CAMTA1: variants seen among roughly 807,000 people sequenced by gnomAD.
CAMTA1 encodes the protein calmodulin-binding transcription activator 1.
In CAMTA1, 27 loss-of-function variants were observed where a neutral mutation model predicts 170.9. The observed-to-expected ratio is 0.16, with a 90% CI of 0.12 to 0.22. CAMTA1 has a LOEUF of 0.22. Among genes scored for constraint, CAMTA1 ranks in the 10% least tolerant of loss-of-function variants. CAMTA1 has a pLI of 1.00. For missense variants in CAMTA1, 1,619 were observed against 2,217.2 expected (o/e 0.73, Z 5.42); for synonymous variants, 833 against 891.5 (o/e 0.93, Z 1.17).
rs528614999 is a variant in CAMTA1, at chr1:6,869,670, G to A, written c.234+44460G>A. 8.5e-5 allele frequency among the ~76,000 whole-genome samples: 13 copies of A among 152,202 alleles called. No individual in the cohort carries two copies. In the Middle Eastern group the frequency reaches 0.01, roughly 119 times the overall value. ...TAGAAAACATTAGCTAAAATCCTTT[G>A]CAGATTTTTTTGAAATCACCTAAAA... On this transcript the variant is annotated intron_variant, in intron 3 of 22. Coordinates refer to ENST00000303635, the MANE Select transcript of CAMTA1 (RefSeq NM_015215.4).
At chr1:7,557,935 G>A (rs1576037136) in intron 6 of CAMTA1, among the ~76,000 whole-genome samples, 1 of 152,220 alleles carries the variant, frequency 6.6e-6, no homozygotes, top group East Asian at 1.9e-4. Context: ...GGCAAGTCTG[G>A]TCTGTGCCAC....
chr1:7,659,449 G>A (rs1297326411), intron 7 of CAMTA1, among the ~76,000 whole-genome samples: 1 of 152,108 alleles, frequency 6.6e-6, no homozygotes, highest in Admixed American at 6.5e-5. Flanking sequence ...CAGAAGAATC[G>A]CTTGAACTCA....
intron 1 of CAMTA1, among the ~76,000 whole-genome samples, chr1:6,800,683 A>G (rs1643662916): frequency 6.6e-6 from 1 of 152,178 alleles, no homozygotes. Context: ...ATTCCCAGTA[A>G]TTCAGTAAAT....
In CAMTA1 at chr1:7,698,078, C is replaced by T. The variant is rs371914996; in HGVS notation, c.2914+20345C>T. Among the ~76,000 whole-genome samples the T allele has an allele frequency of 5.1e-4, 67 of 130,150 alleles. 1 individual carries two copies. Among genetic ancestry groups the T allele is most frequent in the Non-Finnish European group, 9.3e-4 (54 of 58,088 alleles). The allele number at this position is 130,150 out of a possible 152,430, so 85.4% of individuals were successfully genotyped here. On this transcript the variant is annotated intron_variant, in intron 11 of 22. Transcript: ENST00000303635. ...TCATGCTGGCCACGCACTGTGACCC[C>T]CCCCCCCCCCACCAACATGGCCTTA...
chr1:7,271,186 A>C (rs749362036), intron 5 of CAMTA1, among the ~76,000 whole-genome samples: 1 of 152,188 alleles, frequency 6.6e-6, no homozygotes, highest in Non-Finnish European at 1.5e-5. Flanking sequence ...GTATTCATTT[A>C]AGAAGAGACA....
In CAMTA1 at chr1:7,064,093, C is replaced by T. The variant is rs1292687061; in HGVS notation, c.235-27211C>T. 1.3e-5 allele frequency among the ~76,000 whole-genome samples: 2 copies of T among 151,324 alleles called. No individual in the cohort carries two copies. Among genetic ancestry groups the T allele is most frequent in the African/African-American group, 4.9e-5 (2 of 41,110 alleles). On this transcript the variant is annotated intron_variant, in intron 3 of 22. Coordinates refer to ENST00000303635, the MANE Select transcript of CAMTA1 (RefSeq NM_015215.4). This position sits in a 1 kb window ranked among gnomAD's most constrained non-coding sequence, Gnocchi z 5.4. Reference sequence around the variant, plus strand: ...TCTCCTCCTCCTCCTCCTCCTTCTTCTCCTCCTTCTCTCCTTCCCTCCTCC... The same window carrying T: ...TCTCCTCCTCCTCCTCCTCCTTCTTTTCCTCCTTCTCTCCTTCCCTCCTCC...
At chr1:7,708,366 C>CT (rs199623459) in intron 11 of CAMTA1, among the ~76,000 whole-genome samples, 1,594 of 152,130 alleles carry the variant, frequency 0.01, 19 homozygotes, top group African/African-American at 0.025. Context: ...GGCGTGGTGG[C>CT]TTTCACCTCT....
In CAMTA1 at chr1:7,315,298, A is replaced by G. The variant is rs145388913; in HGVS notation, c.438+65672A>G. Among the ~76,000 whole-genome samples, 437 of 152,340 alleles carry G rather than the reference A, an allele frequency of 2.9e-3. 2 individuals are homozygous for G. The highest frequency in any genetic ancestry group is 9.7e-3 in the African/African-American group (404 of 41,568). Reference sequence around the variant, plus strand: ...CAGCTGAAGAAAATTGTCTGGATATAAAGGATAGGCCTTGGCCTGACTCTA... The same window carrying G: ...CAGCTGAAGAAAATTGTCTGGATATGAAGGATAGGCCTTGGCCTGACTCTA... On this transcript the variant is annotated intron_variant, in intron 5 of 22. Coordinates refer to ENST00000303635, the MANE Select transcript of CAMTA1 (RefSeq NM_015215.4).
At chr1:7,398,191 CTCTATATA>C (rs1173471568) in intron 5 of CAMTA1, among the ~76,000 whole-genome samples, 96 of 26,868 alleles carry the variant, frequency 3.6e-3, no homozygotes, top group South Asian at 0.01. Context: ...CTCTCTCTCT[CTCTATATA>C]TATATATATA....
Position 7,561,059 on chromosome 1 carries a change from C to T in CAMTA1, c.511-79341C>T, listed in dbSNP as rs1341716242. On this transcript the variant is annotated intron_variant, in intron 6 of 22. Coordinates refer to ENST00000303635, the MANE Select transcript of CAMTA1 (RefSeq NM_015215.4). The surrounding 1 kb of genome is among the most constrained non-coding windows in gnomAD (Gnocchi z 5.3). Reference sequence around the variant, plus strand: ...CTGCGCTCAGGCTCAGGGGGTGACGCTGGGCTGGGCGCTTCCCATGAGGCA... The same window carrying T: ...CTGCGCTCAGGCTCAGGGGGTGACGTTGGGCTGGGCGCTTCCCATGAGGCA... Among the ~76,000 whole-genome samples the T allele has an allele frequency of 6.6e-6, 1 of 152,152 alleles. No individual in the cohort carries two copies. The highest frequency in any genetic ancestry group is 2.4e-5 in the African/African-American group (1 of 41,440).
At chr1:7,031,637 T>A (rs1702811824) in intron 3 of CAMTA1, among the ~76,000 whole-genome samples, 1 of 152,180 alleles carries the variant, frequency 6.6e-6, no homozygotes, top group Non-Finnish European at 1.5e-5. Context: ...CCTCCCGGGT[T>A]CAAGTGATTC....
intron 3 of CAMTA1, among the ~76,000 whole-genome samples, chr1:6,854,146 A>G (rs1661395716): frequency 6.6e-6 from 1 of 152,218 alleles, no homozygotes. Context: ...GACTGACTAA[A>G]TATATGATGC....
chr1:7,643,321 C>A (rs1027466840), intron 7 of CAMTA1, among the ~76,000 whole-genome samples: 1 of 152,208 alleles, frequency 6.6e-6, no homozygotes, highest in African/African-American at 2.4e-5. Flanking sequence ...CAGCCCCAAT[C>A]CCCTGGGCCC....
intron 5 of CAMTA1, among the ~76,000 whole-genome samples, chr1:7,438,094 G>T (rs969512170): frequency 6.6e-6 from 1 of 152,196 alleles, no homozygotes; most frequent in Non-Finnish European, 1.5e-5. Flanking sequence ...TCAGGAGTAG[G>T]GGTGTAGAGG....
chr1:7,235,282 T>G (rs1049750758), intron 4 of CAMTA1, among the ~76,000 whole-genome samples: 2 of 152,162 alleles, frequency 1.3e-5, no homozygotes, highest in African/African-American at 2.4e-5. Flanking sequence ...TGAGACTGAC[T>G]GCATGAAACA....
chr1:7,033,215 G>A (rs988296601), intron 3 of CAMTA1, among the ~76,000 whole-genome samples: 2 of 152,074 alleles, frequency 1.3e-5, no homozygotes, highest in African/African-American at 2.4e-5. Context: ...ACTCTATTCA[G>A]TTTTTTCTTT....
At chr1:7,289,914 C>T (rs769779454) in intron 5 of CAMTA1, among the ~76,000 whole-genome samples, 4 of 152,162 alleles carry the variant, frequency 2.6e-5, no homozygotes, top group Non-Finnish European at 5.9e-5. Context: ...ACCAAGCCTT[C>T]AGAGAGGGTG....
chr1:7,624,635 G>A (rs999146892), intron 6 of CAMTA1, among the ~76,000 whole-genome samples: 2 of 152,218 alleles, frequency 1.3e-5, no homozygotes, highest in Admixed American at 6.5e-5. Flanking sequence ...TCTAGTGACC[G>A]ATCCAGGATG....
At position 7,224,286 on chromosome 1, in the gene CAMTA1, G is replaced by A. The variant is rs562380638; in HGVS notation, c.303-25205G>A. Among the ~76,000 whole-genome samples, 12 of 152,278 alleles carry A rather than the reference G, an allele frequency of 7.9e-5. No homozygotes were observed. In the South Asian group the frequency reaches 2.1e-3, roughly 26 times the overall value. On this transcript the variant is annotated intron_variant, in intron 4 of 22. Coordinates refer to ENST00000303635, the MANE Select transcript of CAMTA1 (RefSeq NM_015215.4). This position sits in a 1 kb window ranked among gnomAD's most constrained non-coding sequence, Gnocchi z 5.2. ...TAATCGCTGCTCAAGGTCAGGCTGTGCCCAGTGGCCGAGGCGCTTGGTGAG... is the reference window on the plus strand; with the variant it reads ...TAATCGCTGCTCAAGGTCAGGCTGTACCCAGTGGCCGAGGCGCTTGGTGAG...
Sources: allele counts gnomAD v4.1 joint callset (sites outside exome capture counted in the v4.1 genomes callset), GRCh38; gene constraint gnomAD v4.1.1; non-coding constraint Gnocchi (gnomAD v3.1); transcripts MANE v1.5; gene names NCBI Gene and HGNC (gene_info 2026-07-23, HGNC 2026-07-21).